The following PCCA variants were observed in gnomAD, a reference collection of about 807,000 sequenced individuals.
The protein encoded by PCCA is propionyl-CoA carboxylase subunit alpha, also known as propionyl-CoA carboxylase alpha chain, mitochondrial.
A neutral mutation model predicts 101.3 loss-of-function variants in PCCA; 74 were observed. The observed-to-expected ratio is 0.73, with a 90% confidence interval of 0.61 to 0.89. PCCA has a LOEUF of 0.89. PCCA is among the 40% of genes least tolerant of loss of function. The probability of loss-of-function intolerance (pLI) is 0.00; values close to 1 mark genes in which losing one functional copy is unlikely to be tolerated. For missense variants in PCCA, 891 were observed against 907.0 expected (o/e 0.98, Z 0.23); for synonymous variants, 294 against 313.6 (o/e 0.94, Z 0.66).
chr13:100,354,719 G>C (rs1595544778), intron 18 of PCCA, among the ~76,000 whole-genome samples: 1 of 152,232 alleles, frequency 6.6e-6, no homozygotes, highest in East Asian at 1.9e-4. Flanking sequence ...GTGAACAATT[G>C]TTTACCAATA....
intron 6 of PCCA, chr13:100,161,677 A>C (rs1482325200): frequency 6.6e-6 from 1 of 151,978 alleles, no homozygotes; most frequent in Non-Finnish European, 1.5e-5. Flanking sequence ...TTATTTGAGT[A>C]GGAAAAAATA....
intron 10 of PCCA, among the ~76,000 whole-genome samples, chr13:100,267,381 A>C (rs1214218840): frequency 6.6e-6 from 1 of 152,134 alleles, no homozygotes; most frequent in Non-Finnish European, 1.5e-5. Context: ...AGTTTCAGAA[A>C]GGGTTTGTTC....
Position 100,155,368 on chromosome 13 carries a change from G to T in PCCA, c.414+276G>T, listed in dbSNP as rs77110421. On this transcript the variant is annotated intron_variant, in intron 5 of 23. Transcript: ENST00000376285. ...CATTTCCAAATTTGCTAGGAAAAAA[G>T]AAATCCCAATTAGTTTTGAGTATTA... 0.017 allele frequency among the ~76,000 whole-genome samples: 2,638 copies of T among 152,260 alleles called. 82 individuals are homozygous for T. Among genetic ancestry groups the T allele is most frequent in the African/African-American group, 0.06 (2,504 of 41,548 alleles).
chr13:100,192,628 G>A (rs1481372532), intron 6 of PCCA, among the ~76,000 whole-genome samples: 1 of 152,156 alleles, frequency 6.6e-6, no homozygotes, highest in Non-Finnish European at 1.5e-5. Context: ...GATCCCTTGA[G>A]CTTGGGAGGC....
chr13:100,310,928 C>T (rs948722423), intron 16 of PCCA, among the ~76,000 whole-genome samples: 5 of 152,108 alleles, frequency 3.3e-5, no homozygotes, highest in Admixed American at 6.5e-5. Flanking sequence ...CCTGTCCTGA[C>T]GCCATTTAAT....
At chr13:100,305,659 T>TA in intron 14 of PCCA, 1 of 264,650 alleles carries the variant, frequency 3.8e-6, no homozygotes, top group Non-Finnish European at 7.7e-6. Flanking sequence ...TGTAACCCGT[T>TA]TACTAGTTGC....
chr13:100,412,249 T>C (rs1403500680), intron 19 of PCCA, among the ~76,000 whole-genome samples: 1 of 152,216 alleles, frequency 6.6e-6, no homozygotes, highest in Non-Finnish European at 1.5e-5. Flanking sequence ...GTTCACAGAC[T>C]CTGTTCACAT....
chr13:100,365,325 A>G (rs1428164691), intron 18 of PCCA, among the ~76,000 whole-genome samples: 3 of 152,194 alleles, frequency 2.0e-5, no homozygotes, highest in African/African-American at 4.8e-5. Context: ...TCAAAATAAA[A>G]CAATGGAAAA....
intron 1 of PCCA, 152 bp downstream of exon 1, chr13:100,089,377 C>G: frequency 9.0e-7 from 1 of 1,113,752 alleles, no homozygotes; most frequent in Non-Finnish European, 1.2e-6. Flanking sequence ...TCCTCCCTCC[C>G]GGAGTTCGCG....
At chr13:100,274,236 A>G (rs530132755) in intron 12 of PCCA, among the ~76,000 whole-genome samples, 1 of 152,280 alleles carries the variant, frequency 6.6e-6, no homozygotes, top group East Asian at 1.9e-4. Flanking sequence ...TTTGTTTTTT[A>G]AAACTATATT....
intron 6 of PCCA, among the ~76,000 whole-genome samples, chr13:100,176,320 G>A (rs560355342): frequency 6.6e-6 from 1 of 152,262 alleles, no homozygotes; most frequent in Non-Finnish European, 1.5e-5. Context: ...TGGAACTTGG[G>A]ATTTGATTAC....
chr13:100,139,987 A>C (rs2051669767), intron 4 of PCCA, among the ~76,000 whole-genome samples: 1 of 151,638 alleles, frequency 6.6e-6, no homozygotes, highest in Non-Finnish European at 1.5e-5. Context: ...TCAACAACTC[A>C]TCAGTCTGGG....
chr13:100,372,641 T>C (rs1036954385), intron 19 of PCCA, among the ~76,000 whole-genome samples: 1 of 152,218 alleles, frequency 6.6e-6, no homozygotes, highest in African/African-American at 2.4e-5. Context: ...TCTGTTTTTT[T>C]CCCAAAGTAA....
intron 1 of PCCA, among the ~76,000 whole-genome samples, chr13:100,090,587 T>G (rs2046189342): frequency 6.6e-6 from 1 of 152,164 alleles, no homozygotes; most frequent in African/African-American, 2.4e-5. Flanking sequence ...GGAATGAATA[T>G]GGTTTCTGCT....
chr13:100,257,488 T>C, intron 8 of PCCA, 107 bp from the exon 9 acceptor site: 1 of 823,038 alleles, frequency 1.2e-6, no homozygotes, highest in South Asian at 1.5e-5. Flanking sequence ...AACTTTTAAA[T>C]AAATTAATTA....
At chr13:100,167,720 T>G (rs892931706) in intron 6 of PCCA, among the ~76,000 whole-genome samples, 6 of 152,204 alleles carry the variant, frequency 3.9e-5, no homozygotes, top group Non-Finnish European at 7.3e-5. Flanking sequence ...AAATTAATCT[T>G]TTTTGCATGT....
At chr13:100,114,293 A>G (rs2048590935) in intron 4 of PCCA, among the ~76,000 whole-genome samples, 1 of 152,076 alleles carries the variant, frequency 6.6e-6, no homozygotes, top group South Asian at 2.1e-4. Context: ...AAATGGGCAA[A>G]ATGGCCAGGT....
intron 21 of PCCA, among the ~76,000 whole-genome samples, chr13:100,488,047 A>ATT (rs2084534878): frequency 6.6e-6 from 1 of 151,818 alleles, no homozygotes; most frequent in Non-Finnish European, 1.5e-5. Flanking sequence ...ATATATATAT[A>ATT]TTTTTTAATG....
intron 7 of PCCA, among the ~76,000 whole-genome samples, chr13:100,211,985 T>C (rs2059245328): frequency 1.3e-5 from 2 of 152,080 alleles, no homozygotes; most frequent in South Asian, 4.2e-4. Flanking sequence ...AAGCAGTCCT[T>C]CCCCTCGGCC....
Sources: gnomAD v4.1 joint callset for allele counts (sites outside exome capture counted in the v4.1 genomes callset) on GRCh38, gnomAD v4.1.1 for gene constraint, MANE v1.5 for transcripts, NCBI Gene and HGNC (gene_info 2026-07-23, HGNC 2026-07-21) for gene names.